Variants in NSD2 observed in about 807,000 individuals in gnomAD.
The protein encoded by NSD2 is nuclear receptor binding SET domain protein 2.
A neutral mutation model predicts 139.0 loss-of-function variants in NSD2; 12 were observed. The observed-to-expected ratio is 0.09, with a 90% CI of 0.06 to 0.14. The LOEUF is 0.14. Among genes scored for constraint, NSD2 ranks in the 10% least tolerant of loss-of-function variants. The pLI, the probability that NSD2 is intolerant of heterozygous loss-of-function variation, is 1.00. For synonymous variants in NSD2, 669 were observed against 648.7 expected, an observed-to-expected ratio of 1.03 and a Z score of -0.48; for missense variants, 1,155 against 1,745.0, an observed-to-expected ratio of 0.66 and a Z score of 6.02.
intron 21 of NSD2, among the ~76,000 whole-genome samples, chr4:1,978,383 CCT>C (rs1160315781): frequency 6.6e-6 from 1 of 152,174 alleles, no homozygotes; most frequent in Non-Finnish European, 1.5e-5. Context: ...CGGCACAGCT[CCT>C]CTCAGTTGCC....
At position 1,918,996 on chromosome 4, in the gene NSD2, G is replaced by A. The variant is rs180757123; in HGVS notation, c.1410+373G>A. ...AACCCCATCTCTACAAAAATTAGCC[G>A]GGTGTGGTGGCACATGCCTGTAGTC... is the stretch of plus-strand genomic sequence containing the variant. On this transcript the variant is annotated intron_variant, in intron 5 of 21. Transcript: ENST00000508803. 588 of 189,470 alleles carry A rather than the reference G, an allele frequency of 3.1e-3. 5 individuals carry two copies. Among genetic ancestry groups the A allele is most frequent in the African/African-American group, 0.013 (557 of 42,114 alleles). The allele number at this position is 189,470 out of a possible 1,614,324, so 11.7% of individuals were successfully genotyped here. A position where few individuals can be genotyped will look rare whatever the true frequency, so the allele number is the denominator to read the frequency against.
At chr4:1,882,534 G>A (rs55739348) in intron 1 of NSD2, among the ~76,000 whole-genome samples, 4,628 of 152,172 alleles carry the variant, frequency 0.03, 226 homozygotes, top group African/African-American at 0.11. Flanking sequence ...CGTGGTGGCG[G>A]GCGCCTGTAG....
At chr4:1,940,431 C>G in intron 9 of NSD2, 1 of 1,063,406 alleles carries the variant, frequency 9.4e-7, no homozygotes, top group Non-Finnish European at 1.1e-6. Context: ...TAACATGACA[C>G]TTAGACTTTA....
At chr4:1,887,921 T>TC (rs1577362794) in intron 1 of NSD2, among the ~76,000 whole-genome samples, 1 of 151,890 alleles carries the variant, frequency 6.6e-6, no homozygotes, top group South Asian at 2.1e-4. Context: ...CTTTTTTTTT[T>TC]CTTCTGTGAT....
At chr4:1,933,426 G>A (rs564364934) in intron 6 of NSD2, among the ~76,000 whole-genome samples, 3 of 152,216 alleles carry the variant, frequency 2.0e-5, no homozygotes, top group South Asian at 2.1e-4. Context: ...TTGCTCTGTC[G>A]CCCAGGCGGC....
chr4:1,981,994 G>C lies in NSD2; in HGVS notation c.*3085G>C. On this transcript the variant is annotated 3_prime_UTR_variant, in exon 22 of 22. Coordinates refer to ENST00000508803, the MANE Select transcript of NSD2 (RefSeq NM_001042424.3). ...CTAAACTTCATACAATGTAAGGTCA[G>C]ATTCCTTTTAGGAATACTGGGTGCT... The C allele has an allele frequency of 2.5e-6, 1 of 398,570 alleles. No individual in the cohort carries two copies. The highest frequency in any genetic ancestry group is 4.4e-6 in the Non-Finnish European group (1 of 226,042). 24.7% of individuals were successfully genotyped at this position (398,570 alleles called of 1,614,324 possible). A position where few individuals can be genotyped will look rare whatever the true frequency, so the allele number is the denominator to read the frequency against.
Position 1,973,507 on chromosome 4 carries a change from T to A in NSD2, c.3373-1356T>A, listed in dbSNP as rs1247039785. On this transcript the variant is annotated intron_variant, in intron 18 of 21. Transcript: ENST00000508803. This position sits in a 1 kb window ranked among gnomAD's most constrained non-coding sequence, Gnocchi z 5.5. ...CAGAGGGCAGATGAGCACCCCCACTTCTGTGTTGAAGAGTGGCACTCTGGG... is the reference window on the plus strand; with the variant it reads ...CAGAGGGCAGATGAGCACCCCCACTACTGTGTTGAAGAGTGGCACTCTGGG... 6.6e-6 allele frequency among the ~76,000 whole-genome samples: 1 copy of A among 152,230 alleles called. No individual in the cohort carries two copies. The highest frequency in any genetic ancestry group is 1.5e-5 in the Non-Finnish European group (1 of 68,046).
At position 1,974,623 on chromosome 4, in the gene NSD2, C is replaced by G. The variant is rs1236854060; in HGVS notation, c.3373-240C>G. 3.0e-6 allele frequency: 2 copies of G among 673,994 alleles called. No homozygotes were observed. Among genetic ancestry groups the G allele is most frequent in the Non-Finnish European group, 5.5e-6 (2 of 365,644 alleles). The allele number at this position is 673,994 out of a possible 1,614,324, so 41.8% of individuals were successfully genotyped here. A position where few individuals can be genotyped will look rare whatever the true frequency, so the allele number is the denominator to read the frequency against. The stretch of plus-strand genomic sequence containing the variant: ...GATGCTGGGAGCTCCAGCTCCCTGT[C>G]CTGTCCTCCCCGGCGCTCACTAAGG... On this transcript the variant is annotated intron_variant, in intron 18 of 21. Coordinates refer to ENST00000508803, the MANE Select transcript of NSD2 (RefSeq NM_001042424.3). The surrounding 1 kb of genome is among the most constrained non-coding windows in gnomAD (Gnocchi z 4.0).
In NSD2 at chr4:1,900,880, G is replaced by T. The variant is rs770395467; in HGVS notation, c.226G>T (p.Ala76Ser). Residue 76 changes from alanine to serine, a missense_variant, in exon 2 of 22, where the codon GCC becomes TCC. Ala to Ser is a moderately conservative substitution (Grantham distance 99, BLOSUM62 1). Coordinates refer to ENST00000508803, the MANE Select transcript of NSD2 (RefSeq NM_001042424.3). Reference sequence around the variant, plus strand: ...CCACGACGCCCTGCCCTTTATTCCAGCCGACAAGCTGAAAGATCTTACTTC... The same window carrying T: ...CCACGACGCCCTGCCCTTTATTCCATCCGACAAGCTGAAAGATCTTACTTC... ...NGHDALPFIP[A>S]DKLKDLTSRV... 28 of 1,612,996 alleles carry T rather than the reference G, an allele frequency of 1.7e-5. No homozygotes were observed. Among genetic ancestry groups the T allele is most frequent in the Non-Finnish European group, 2.4e-5 (28 of 1,179,312 alleles).
chr4:1,935,973 G>A (rs1240053076), intron 7 of NSD2, among the ~76,000 whole-genome samples: 1 of 152,156 alleles, frequency 6.6e-6, no homozygotes, highest in Non-Finnish European at 1.5e-5. Context: ...TGTGTTACAT[G>A]TCAATAAAAA....
chr4:1,875,448 A>G (rs1714179821), intron 1 of NSD2, among the ~76,000 whole-genome samples: 1 of 151,494 alleles, frequency 6.6e-6, no homozygotes, highest in Admixed American at 6.6e-5. Flanking sequence ...TGCCTGGCTA[A>G]TTTTTGTGTT....
At chr4:1,890,595 C>T (rs1358826306) in intron 1 of NSD2, among the ~76,000 whole-genome samples, 2 of 150,408 alleles carry the variant, frequency 1.3e-5, no homozygotes, top group Non-Finnish European at 2.9e-5. Flanking sequence ...GTCACCGCAC[C>T]CGGCCTATAC....
At position 1,958,157 on chromosome 4, in the gene NSD2, T is replaced by G; in HGVS notation, c.2985+121T>G. ...GACTGTCACCAGCCAGGATCTGTGG[T>G]GCCTGGCATGGATGGCCACACAAGA... On this transcript the variant is annotated intron_variant, in intron 16 of 21. Coordinates refer to ENST00000508803, the MANE Select transcript of NSD2 (RefSeq NM_001042424.3). The surrounding 1 kb of genome is among the most constrained non-coding windows in gnomAD (Gnocchi z 4.6). The G allele has an allele frequency of 1.0e-6, 1 of 975,914 alleles. No homozygotes were observed. Among genetic ancestry groups the G allele is most frequent in the South Asian group, 1.6e-5 (1 of 63,646 alleles). 60.5% of individuals were successfully genotyped at this position (975,914 alleles called of 1,614,324 possible). A position where few individuals can be genotyped will look rare whatever the true frequency, so the allele number is the denominator to read the frequency against.
intron 3 of NSD2, among the ~76,000 whole-genome samples, chr4:1,904,662 TG>T (rs1717650262): frequency 2.0e-5 from 3 of 152,234 alleles, no homozygotes; most frequent in African/African-American, 7.2e-5. Context: ...GATGATTGCT[TG>T]TTTCAGGATG....
chr4:1,953,121 G>T (rs1055097447), intron 11 of NSD2: 30 of 1,534,530 alleles, frequency 2.0e-5, no homozygotes, highest in Non-Finnish European at 2.5e-5. Flanking sequence ...CTGGAGCTCA[G>T]ATCGCAGCAA....
At chr4:1,947,378 G>T (rs1723742251) in intron 9 of NSD2, 8 of 1,061,712 alleles carry the variant, frequency 7.5e-6, no homozygotes, top group Non-Finnish European at 9.1e-6. Flanking sequence ...AAAAGCCTGT[G>T]CAGGTTAGAA....
chr4:1,898,261 AT>A (rs1258302033), intron 1 of NSD2, among the ~76,000 whole-genome samples: 2 of 152,040 alleles, frequency 1.3e-5, no homozygotes, highest in African/African-American at 4.8e-5. Flanking sequence ...TAATTTTTGT[AT>A]TTTTTGTTGA....
intron 5 of NSD2, among the ~76,000 whole-genome samples, chr4:1,929,732 T>C (rs1721408764): frequency 6.6e-6 from 1 of 152,214 alleles, no homozygotes; most frequent in Admixed American, 6.5e-5. Context: ...GGGTTACACC[T>C]GGCTGGCTGG....
Position 1,904,196 on chromosome 4 carries a change from C to A in NSD2, c.598-20C>A, listed in dbSNP as rs145175247. 7.8e-5 allele frequency: 126 copies of A among 1,609,666 alleles called. 2 individuals carry two copies. The Admixed American group carries it at 2.1e-3, about 27-fold the overall frequency. On this transcript the variant is annotated intron_variant, in intron 2 of 21. Coordinates refer to ENST00000508803, the MANE Select transcript of NSD2 (RefSeq NM_001042424.3). ...AGTGATTGGATGTGTTAGTGTTTGTCTTCTGTTGTTCATTTTCAGATTCCA... is the reference window on the plus strand; with the variant it reads ...AGTGATTGGATGTGTTAGTGTTTGTATTCTGTTGTTCATTTTCAGATTCCA...
Sources: gnomAD v4.1 joint callset for allele counts (sites outside exome capture counted in the v4.1 genomes callset) on GRCh38, gnomAD v4.1.1 for gene constraint, Gnocchi (gnomAD v3.1) non-coding constraint, MANE v1.5 for transcripts, NCBI Gene and HGNC (gene_info 2026-07-23, HGNC 2026-07-21) for gene names.